Variants in ERN1 observed in about 807,000 individuals in gnomAD.
ERN1 encodes the protein endoplasmic reticulum to nucleus signaling 1, also known as serine/threonine-protein kinase/endoribonuclease IRE1.
ERN1 carries 39 observed loss-of-function variants against 113.1 expected under a neutral mutation model. The observed-to-expected ratio is 0.34, with a 90% CI of 0.27 to 0.45. The LOEUF is 0.45. Ranked by LOEUF, ERN1 falls within the 20% of genes least tolerant of loss-of-function variation. The pLI is 1.00. For missense variants in ERN1, 976 were observed against 1,274.8 expected (o/e 0.77, Z 3.57); for synonymous variants, 507 against 515.9 (o/e 0.98, Z 0.23).
Position 64,102,619 on chromosome 17 carries a change from A to T in ERN1, c.55-4378T>A, listed in dbSNP as rs372255194. 1.6e-5 allele frequency: 15 copies of T among 950,716 alleles called. No individual in the cohort carries two copies. The South Asian group carries it at 3.9e-4, about 25-fold the overall frequency. The allele number at this position is 950,716 out of a possible 1,614,324, so 58.9% of individuals were successfully genotyped here. A position where few individuals can be genotyped will look rare whatever the true frequency, so the allele number is the denominator to read the frequency against. On this transcript the variant is annotated intron_variant, in intron 1 of 21. Coordinates refer to ENST00000433197, the MANE Select transcript of ERN1 (RefSeq NM_001433.5). ...AGTTGCTATAGCTAACATGAATTAAACATGTTTCCAGATGCCTTGTGTGAT... is the reference window on the plus strand; with the variant it reads ...AGTTGCTATAGCTAACATGAATTAATCATGTTTCCAGATGCCTTGTGTGAT...
rs1374922567 is a variant in ERN1 at position 64,058,005 on chromosome 17, G to T, written c.1207-12C>A. 6.6e-7 allele frequency: 1 copy of T among 1,518,144 alleles called. No individual in the cohort carries two copies. Among genetic ancestry groups the T allele is most frequent in the South Asian group, 1.3e-5 (1 of 76,202 alleles). The allele number at this position is 1,518,144 out of a possible 1,614,324, so 94.0% of individuals were successfully genotyped here. A position where few individuals can be genotyped will look rare whatever the true frequency, so the allele number is the denominator to read the frequency against. Reference sequence around the variant, plus strand: ...ACCAGGTTGATAACCTTGCATGGGAGAGAGTTGCGACATCACTGCAAAATT... The same window carrying T: ...ACCAGGTTGATAACCTTGCATGGGATAGAGTTGCGACATCACTGCAAAATT... On this transcript the variant is annotated splice_polypyrimidine_tract_variant and intron_variant, in intron 11 of 21. Transcript: ENST00000433197.
Position 64,052,869 on chromosome 17 carries a change from T to C in ERN1, c.2164A>G (p.Arg722Gly). The change falls in exon 17 of 22, where the codon AGA (arginine) becomes GGA (glycine). Residue 722 changes from arginine (R) to glycine (G), a missense_variant. Arg to Gly is a moderately radical substitution (Grantham distance 125). Coordinates refer to ENST00000433197, the MANE Select transcript of ERN1 (RefSeq NM_001433.5). The stretch of plus-strand genomic sequence containing the variant: ...CCAGATCGGCGGCTGAAACTGTGTC[T>C]GCCCACTGCCAGCTTCTTGCAGAGG... Reference protein sequence around the residue: ...FGLCKKLAVGRHSFSRRSGVP... With the variant: ...FGLCKKLAVGGHSFSRRSGVP... 6.2e-7 allele frequency: 1 copy of C among 1,614,046 alleles called. No individual in the cohort carries two copies. Among genetic ancestry groups the C allele is most frequent in the South Asian group, 1.1e-5 (1 of 91,086 alleles).
At position 64,039,351 on chromosome 17, in the gene ERN1, A is replaced by G. The variant is rs1445645882; in HGVS notation, c.*4637T>C. ...TAAAAAGAGGATTTTGGGTTCCACAAAGAAGACTGTATCACACAATTAACA... is the reference window on the plus strand; with the variant it reads ...TAAAAAGAGGATTTTGGGTTCCACAGAGAAGACTGTATCACACAATTAACA... On this transcript the variant is annotated 3_prime_UTR_variant, in exon 22 of 22. Transcript: ENST00000433197. The G allele has an allele frequency of 2.0e-5, 3 of 152,224 alleles. No individual in the cohort carries two copies. The highest frequency in any genetic ancestry group is 4.4e-5 in the Non-Finnish European group (3 of 68,034). The allele number at this position is 152,224 out of a possible 1,614,324, so 9.4% of individuals were successfully genotyped here.
intron 1 of ERN1, among the ~76,000 whole-genome samples, chr17:64,112,122 C>T (rs1481402536): frequency 1.3e-5 from 2 of 152,146 alleles, no homozygotes; most frequent in African/African-American, 2.4e-5. Flanking sequence ...AATCCCAGCA[C>T]TTTGGGATGC....
chr17:64,111,417 G>A (rs1449035432), intron 1 of ERN1, among the ~76,000 whole-genome samples: 1 of 151,504 alleles, frequency 6.6e-6, no homozygotes, highest in East Asian at 1.9e-4. Flanking sequence ...GTGCAATGGC[G>A]CAATCTCGGC....
At chr17:64,127,150 C>A (rs1046733353) in intron 1 of ERN1, among the ~76,000 whole-genome samples, 1 of 152,054 alleles carries the variant, frequency 6.6e-6, no homozygotes, top group East Asian at 1.9e-4. Flanking sequence ...AATGTTATTG[C>A]GTTTTGGATC....
At position 64,098,220 on chromosome 17, in the gene ERN1, C is replaced by T. The variant is rs758546929; in HGVS notation, c.76G>A (p.Val26Met). ...AACAACAAGGTTTCAGGAAGCGTCA[C>T]TGTGCTGGTACTTCCAAAAATCTGC... is the stretch of plus-strand genomic sequence containing the variant. ...GLGIFGSTST[V>M]TLPETLLFVS... Residue 26 changes from valine (V) to methionine (M), a missense_variant, in exon 2 of 22, where the codon GTG becomes ATG. Around this residue, in one of 5 missense-constraint regions of ERN1, gnomAD observed 459 missense variants for 581.2 expected, o/e 0.79. Coordinates refer to ENST00000433197, the MANE Select transcript of ERN1 (RefSeq NM_001433.5). The T allele has an allele frequency of 5.6e-6, 9 of 1,613,870 alleles. No individual in the cohort carries two copies. The highest frequency in any genetic ancestry group is 1.6e-4 in the Middle Eastern group (1 of 6,082).
At chr17:64,098,053 C>T (rs1287387734) in intron 2 of ERN1, 68 bp downstream of exon 2, 4 of 1,575,676 alleles carry the variant, frequency 2.5e-6, no homozygotes, top group Admixed American at 1.7e-5. Flanking sequence ...TTCTCTTTCT[C>T]CAGAATATGT....
chr17:64,120,047 G>A (rs1342598624), intron 1 of ERN1, among the ~76,000 whole-genome samples: 1 of 152,132 alleles, frequency 6.6e-6, no homozygotes, highest in Non-Finnish European at 1.5e-5. Context: ...GTAAGCCACT[G>A]AGCCTGGCCT....
chr17:64,124,984 G>A (rs140190144), intron 1 of ERN1, among the ~76,000 whole-genome samples: 48 of 152,218 alleles, frequency 3.2e-4, no homozygotes, highest in African/African-American at 1.1e-3. Flanking sequence ...GGGGGGAAAC[G>A]GTGTGTAACA....
chr17:64,119,390 T>TTTTTTTTTTTTTTTTTTTTTTTG (rs1914896431), intron 1 of ERN1, among the ~76,000 whole-genome samples: 1 of 138,992 alleles, frequency 7.2e-6, no homozygotes, highest in African/African-American at 2.7e-5. Context: ...TTTTTTTTTT[T>TTTTTTTTTTTTTTTTTTTTTTTG]TTTTTTTTTT....
intron 12 of ERN1, 118 bp downstream of exon 12, chr17:64,057,684 C>T: frequency 9.4e-7 from 1 of 1,059,040 alleles, no homozygotes; most frequent in Non-Finnish European, 1.4e-6. Flanking sequence ...CAAACACTGA[C>T]TTTTAAATGG....
At chr17:64,108,756 G>T (rs993721868) in intron 1 of ERN1, among the ~76,000 whole-genome samples, 2 of 152,138 alleles carry the variant, frequency 1.3e-5, no homozygotes, top group Non-Finnish European at 2.9e-5. Context: ...ATTTGTATGT[G>T]CACCATTGGC....
In ERN1 at chr17:64,054,292, G is replaced by A. The variant is rs1306052385; in HGVS notation, c.1911C>T (p.Phe637=). ...RYFCTEKDRQ[F]QYIAIELCAA... ...CACACAGCTCGATGGCAATGTACTG[G>A]AATTGCCGGTCCTTCTCCGTGCAGA... The change falls in exon 15 of 22, where the codon TTC becomes TTT. Residue 637 remains phenylalanine, a synonymous_variant. Coordinates refer to ENST00000433197, the MANE Select transcript of ERN1 (RefSeq NM_001433.5). The surrounding 1 kb of genome is among the most constrained non-coding windows in gnomAD (Gnocchi z 4.9). The A allele has an allele frequency of 6.2e-7, 1 of 1,613,720 alleles. No homozygotes were observed. The highest frequency in any genetic ancestry group is 8.5e-7 in the Non-Finnish European group (1 of 1,179,828).
At chr17:64,079,468 C>T (rs904281741) in intron 4 of ERN1, among the ~76,000 whole-genome samples, 194 bp downstream of exon 4, 1 of 152,182 alleles carries the variant, frequency 6.6e-6, no homozygotes, top group African/African-American at 2.4e-5. Context: ...TCTGGCACCA[C>T]ATTTAAAAGC....
rs1912609290 is a variant in ERN1 at position 64,049,254 on chromosome 17, A to C, written c.2254-52T>G. 1.3e-6 allele frequency: 2 copies of C among 1,498,174 alleles called. No homozygotes were observed. Among genetic ancestry groups the C allele is most frequent in the Non-Finnish European group, 1.8e-6 (2 of 1,105,944 alleles). 92.8% of individuals were successfully genotyped at this position (1,498,174 alleles called of 1,614,324 possible). A position where few individuals can be genotyped will look rare whatever the true frequency, so the allele number is the denominator to read the frequency against. ...GTCTGGGAGCAGAGTTTTCATCCTC[A>C]CTCACAGTCAGGGAGGGAGGAGCAT... On this transcript the variant is annotated intron_variant, in intron 17 of 21. Coordinates refer to ENST00000433197, the MANE Select transcript of ERN1 (RefSeq NM_001433.5). This position sits in a 1 kb window ranked among gnomAD's most constrained non-coding sequence, Gnocchi z 4.7.
At position 64,071,592 on chromosome 17, in the gene ERN1, G is replaced by C. The variant is rs142441350; in HGVS notation, c.478+389C>G. Among the ~76,000 whole-genome samples, 21 of 152,110 alleles carry C rather than the reference G, an allele frequency of 1.4e-4. No individual in the cohort carries two copies. In the East Asian group the frequency reaches 4.1e-3, roughly 29 times the overall value. On this transcript the variant is annotated intron_variant, in intron 6 of 21. Coordinates refer to ENST00000433197, the MANE Select transcript of ERN1 (RefSeq NM_001433.5). ...CATGCCACCACACCTGACTAATTTT[G>C]TATTTTTTTAGTACAGATGGGGTTT...
Position 64,052,955 on chromosome 17 carries a change from T to C in ERN1, c.2078A>G (p.Asn693Ser). 6.2e-7 allele frequency: 1 copy of C among 1,612,860 alleles called. No individual in the cohort carries two copies. The highest frequency in any genetic ancestry group is 8.5e-7 in the Non-Finnish European group (1 of 1,179,254). The change falls in exon 17 of 22, where the codon AAC becomes AGC. Residue 693 changes from asparagine to serine, a missense_variant. By Grantham distance (46) the Asn-to-Ser change is conservative. Transcript: ENST00000433197. ...TGCATTGGGCATGGATATGAGGATG[T>C]TGTGTGGCTTTAGGTCTCTGTGAAC... Reference protein sequence around the residue: ...NIVHRDLKPHNILISMPNAHG... With the variant: ...NIVHRDLKPHSILISMPNAHG...
At chr17:64,100,781 CAATA>C (rs58244964) in intron 1 of ERN1, among the ~76,000 whole-genome samples, 2 of 151,402 alleles carry the variant, frequency 1.3e-5, no homozygotes, top group African/African-American at 4.9e-5. Context: ...GACTCTGTCT[CAATA>C]AATAAATAAA....
Sources: allele counts gnomAD v4.1 joint callset (sites outside exome capture counted in the v4.1 genomes callset), GRCh38; gene constraint gnomAD v4.1.1; regional missense constraint gnomAD v4.1.1; non-coding constraint Gnocchi (gnomAD v3.1); transcripts MANE v1.5; gene names NCBI Gene and HGNC (gene_info 2026-07-23, HGNC 2026-07-21).